The following RAB15 variants were observed in gnomAD, a reference collection of about 807,000 sequenced individuals.
RAB15 encodes the protein RAB15, member RAS oncogene family.
A neutral mutation model predicts 31.8 loss-of-function variants in RAB15; 13 were observed. The ratio of observed to expected loss-of-function variants is 0.41; its 90% CI spans 0.27 to 0.65. The LOEUF (loss-of-function observed/expected upper bound fraction) is 0.65, where lower values mean the gene tolerates loss of function less well. RAB15 is among the 30% of genes least tolerant of loss of function. The pLI, the probability that RAB15 is intolerant of heterozygous loss-of-function variation, is 0.32. For missense variants in RAB15, 220 were observed against 277.3 expected (o/e 0.79, Z 1.47); for synonymous variants, 100 against 105.6 (o/e 0.95, Z 0.33).
rs1218697249 is a variant in RAB15, at chr14:64,958,555, A to C, written c.125-5984T>G. On this transcript the variant is annotated intron_variant, in intron 1 of 6. Coordinates refer to ENST00000533601, the MANE Select transcript of RAB15 (RefSeq NM_001308154.2). The surrounding 1 kb of genome is among the most constrained non-coding windows in gnomAD (Gnocchi z 4.4). The stretch of plus-strand genomic sequence containing the variant: ...TTTGTTACAGCAGCCAGCCCTAACT[A>C]AGACACCCACCATAGCCTATTTTCT... 6.6e-6 allele frequency among the ~76,000 whole-genome samples: 1 copy of C among 152,178 alleles called. No individual in the cohort carries two copies. The highest frequency in any genetic ancestry group is 1.5e-5 in the Non-Finnish European group (1 of 68,030).
Position 64,948,282 on chromosome 14 carries a change from C to T in RAB15, c.*72G>A, listed in dbSNP as rs955356318. On this transcript the variant is annotated 3_prime_UTR_variant, in exon 7 of 7. Coordinates refer to ENST00000533601, the MANE Select transcript of RAB15 (RefSeq NM_001308154.2). The surrounding 1 kb of genome is among the most constrained non-coding windows in gnomAD (Gnocchi z 7.0). ...ACGAGAGGACAGCAGCAGGGCAAAGCCCCGGCTCCCCTGTCTGCCCACGGG... is the reference window on the plus strand; with the variant it reads ...ACGAGAGGACAGCAGCAGGGCAAAGTCCCGGCTCCCCTGTCTGCCCACGGG... 4 of 1,415,294 alleles carry T rather than the reference C, an allele frequency of 2.8e-6. No homozygotes were observed. The highest frequency in any genetic ancestry group is 2.9e-5 in the African/African-American group (2 of 69,176). The allele number at this position is 1,415,294 out of a possible 1,614,324, so 87.7% of individuals were successfully genotyped here.
rs74809581 is a variant in RAB15, at chr14:64,966,528, A to T, written c.124+5425T>A. The stretch of plus-strand genomic sequence containing the variant: ...ACAGAGAGATACTCGGTCTCAAAAA[A>T]AAATAAATAAATAAATAAATAAAAT... On this transcript the variant is annotated intron_variant, in intron 1 of 6. Transcript: ENST00000533601. Among the ~76,000 whole-genome samples the T allele has an allele frequency of 5.3e-3, 796 of 151,382 alleles. 7 individuals are homozygous for T. The highest frequency in any genetic ancestry group is 0.024 in the East Asian group (126 of 5,152).
intron 1 of RAB15, among the ~76,000 whole-genome samples, chr14:64,965,343 C>T (rs1177009639): frequency 6.6e-6 from 1 of 152,056 alleles, no homozygotes; most frequent in Non-Finnish European, 1.5e-5. Context: ...CTTGTAATCC[C>T]AGCTACTCAG....
At position 64,954,169 on chromosome 14, in the gene RAB15, A is replaced by G; in HGVS notation, c.125-1598T>C. The stretch of plus-strand genomic sequence containing the variant: ...CGCCTGCCCAAGCTGATTCATATCC[A>G]TTGAGCTGTACTTTTCCAAATGGGC... On this transcript the variant is annotated intron_variant, in intron 1 of 6. Coordinates refer to ENST00000533601, the MANE Select transcript of RAB15 (RefSeq NM_001308154.2). This position sits in a 1 kb window ranked among gnomAD's most constrained non-coding sequence, Gnocchi z 4.3. 3 of 985,418 alleles carry G rather than the reference A, an allele frequency of 3.0e-6. No individual in the cohort carries two copies. Among genetic ancestry groups the G allele is most frequent in the Non-Finnish European group, 3.6e-6 (3 of 829,936 alleles). 61.0% of individuals were successfully genotyped at this position (985,418 alleles called of 1,614,324 possible).
At chr14:64,949,771 C>A (rs1355297537) in intron 5 of RAB15, among the ~76,000 whole-genome samples, 1 of 150,942 alleles carries the variant, frequency 6.6e-6, no homozygotes, top group Non-Finnish European at 1.5e-5. Flanking sequence ...ACCAATATTT[C>A]TTTCTGCTCT....
At position 64,948,919 on chromosome 14, in the gene RAB15, C is replaced by T. The variant is rs1886074994; in HGVS notation, c.415-186G>A. On this transcript the variant is annotated intron_variant, in intron 5 of 6. Coordinates refer to ENST00000533601, the MANE Select transcript of RAB15 (RefSeq NM_001308154.2). The surrounding 1 kb of genome is among the most constrained non-coding windows in gnomAD (Gnocchi z 7.0). ...GTAGCAGAGAATGGGGGAAGATCCTCCACAAATATGCCTCTCCATTCTTCC... is the reference window on the plus strand; with the variant it reads ...GTAGCAGAGAATGGGGGAAGATCCTTCACAAATATGCCTCTCCATTCTTCC... Among the ~76,000 whole-genome samples the T allele has an allele frequency of 6.6e-6, 1 of 152,150 alleles. No homozygotes were observed. The highest frequency in any genetic ancestry group is 1.5e-5 in the Non-Finnish European group (1 of 68,020).
intron 1 of RAB15, among the ~76,000 whole-genome samples, chr14:64,967,587 A>C (rs201242893): frequency 0.098 from 6,954 of 71,148 alleles, 780 homozygotes; most frequent in East Asian, 0.57. Flanking sequence ...CCTAGTCTCA[A>C]AAAAAAAAAA....
At position 64,958,410 on chromosome 14, in the gene RAB15, T is replaced by C. The variant is rs1360517492; in HGVS notation, c.125-5839A>G. ...ATGGAGCTAGAAGGTGCCACCTTTG[T>C]CACAGAGCATCAGCCTTCACCAGAC... is the stretch of plus-strand genomic sequence containing the variant. On this transcript the variant is annotated intron_variant, in intron 1 of 6. Coordinates refer to ENST00000533601, the MANE Select transcript of RAB15 (RefSeq NM_001308154.2). This position sits in a 1 kb window ranked among gnomAD's most constrained non-coding sequence, Gnocchi z 4.4. Among the ~76,000 whole-genome samples the C allele has an allele frequency of 6.6e-6, 1 of 152,146 alleles. No homozygotes were observed. The highest frequency in any genetic ancestry group is 1.9e-4 in the East Asian group (1 of 5,188).
chr14:64,948,137 TGAA>T lies in RAB15; in HGVS notation c.*214_*216del. On this transcript the variant is annotated 3_prime_UTR_variant, in exon 7 of 7. Coordinates refer to ENST00000533601, the MANE Select transcript of RAB15 (RefSeq NM_001308154.2). The surrounding 1 kb of genome is among the most constrained non-coding windows in gnomAD (Gnocchi z 7.0). ...CAGGCCTGTGGCTGGGGAAACAGGC[TGAA>T]GAAGACCACTCCAGGGTGGACGGGC... 1 of 485,136 alleles carries T rather than the reference TGAA, an allele frequency of 2.1e-6. No homozygotes were observed. The allele number at this position is 485,136 out of a possible 1,614,324, so 30.1% of individuals were successfully genotyped here.
rs117418332 is a variant in RAB15 at position 64,949,005 on chromosome 14, T to C, written c.415-272A>G. The stretch of plus-strand genomic sequence containing the variant: ...TATCAGGAGATAAAGACACCATCCA[T>C]TGTGGCAGTATGGCATCCTCGTAAA... On this transcript the variant is annotated intron_variant, in intron 5 of 6. Transcript: ENST00000533601. 9.0e-4 allele frequency among the ~76,000 whole-genome samples: 137 copies of C among 152,332 alleles called. 3 individuals carry two copies. In the South Asian group the frequency reaches 0.021, roughly 23 times the overall value.
intron 1 of RAB15, among the ~76,000 whole-genome samples, chr14:64,959,944 G>T (rs2139988240): frequency 6.6e-6 from 1 of 151,268 alleles, no homozygotes; most frequent in East Asian, 2.0e-4. Context: ...AGGCTTAAGA[G>T]CAGGGAGACG....
chr14:64,963,164 G>A (rs1423814104), intron 1 of RAB15, among the ~76,000 whole-genome samples: 2 of 141,848 alleles, frequency 1.4e-5, no homozygotes, highest in Non-Finnish European at 3.0e-5. Flanking sequence ...TGTCACCCAG[G>A]CTGGAGTACA....
Position 64,952,717 on chromosome 14 carries a change from A to G in RAB15, c.125-146T>C. The G allele has an allele frequency of 1.8e-6, 1 of 570,064 alleles. No individual in the cohort carries two copies. Among genetic ancestry groups the G allele is most frequent in the Non-Finnish European group, 3.1e-6 (1 of 323,340 alleles). The allele number at this position is 570,064 out of a possible 1,614,324, so 35.3% of individuals were successfully genotyped here. On this transcript the variant is annotated intron_variant, in intron 1 of 6. Transcript: ENST00000533601. This position sits in a 1 kb window ranked among gnomAD's most constrained non-coding sequence, Gnocchi z 4.2. ...AATGTAAAGGCCTTCTTTAAGCAGA[A>G]ACTGACCTTAAGGAAGTATCTGAAG...
chr14:64,963,761 A>G (rs573510316), intron 1 of RAB15, among the ~76,000 whole-genome samples: 4 of 152,180 alleles, frequency 2.6e-5, no homozygotes, highest in African/African-American at 9.7e-5. Flanking sequence ...AGCAAGGCTG[A>G]AGAGTAGCAG....
chr14:64,957,991 T>TTCCTCTGTCGCCA (rs999368280), intron 1 of RAB15: 1 of 152,378 alleles, frequency 6.6e-6, no homozygotes, highest in African/African-American at 2.4e-5. Flanking sequence ...TCGCCCAGGC[T>TTCCTCTGTCGCCA]GGAGTGCAGT....
intron 1 of RAB15, among the ~76,000 whole-genome samples, chr14:64,956,206 C>G (rs1886552606): frequency 6.6e-6 from 1 of 152,066 alleles, no homozygotes; most frequent in Non-Finnish European, 1.5e-5. Flanking sequence ...AGTTTGAGAC[C>G]AGCCTGGCCA....
At position 64,951,234 on chromosome 14, in the gene RAB15, G is replaced by A; in HGVS notation, c.247-83C>T. 1.7e-6 allele frequency: 2 copies of A among 1,184,146 alleles called. No homozygotes were observed. The highest frequency in any genetic ancestry group is 2.7e-5 in the South Asian group (2 of 74,878). 73.4% of individuals were successfully genotyped at this position (1,184,146 alleles called of 1,614,324 possible). A position where few individuals can be genotyped will look rare whatever the true frequency, so the allele number is the denominator to read the frequency against. On this transcript the variant is annotated intron_variant, in intron 3 of 6. Coordinates refer to ENST00000533601, the MANE Select transcript of RAB15 (RefSeq NM_001308154.2). The surrounding 1 kb of genome is among the most constrained non-coding windows in gnomAD (Gnocchi z 7.2). ...CCAGAAGGGGCCGTGGAAACTTAAA[G>A]GTTGGGTCCCACTCTCCCATTCTCC...
At position 64,971,146 on chromosome 14, in the gene RAB15, C is replaced by T. The variant is rs1178288812; in HGVS notation, c.124+807G>A. Among the ~76,000 whole-genome samples the T allele has an allele frequency of 6.6e-6, 1 of 152,206 alleles. No individual in the cohort carries two copies. The highest frequency in any genetic ancestry group is 2.4e-5 in the African/African-American group (1 of 41,444). On this transcript the variant is annotated intron_variant, in intron 1 of 6. Coordinates refer to ENST00000533601, the MANE Select transcript of RAB15 (RefSeq NM_001308154.2). This position sits in a 1 kb window ranked among gnomAD's most constrained non-coding sequence, Gnocchi z 4.1. ...AGCCTAGAAGCGGGAGACTGACTGT[C>T]TCAGAGGGGAGGCCATGGACCCATT...
At chr14:64,956,813 C>G (rs1886600331) in intron 1 of RAB15, among the ~76,000 whole-genome samples, 6 of 152,190 alleles carry the variant, frequency 3.9e-5, no homozygotes, top group Admixed American at 3.9e-4. Flanking sequence ...GAAGTAGTTT[C>G]AAGAGCTATA....
Sources: allele counts gnomAD v4.1 joint callset (sites outside exome capture counted in the v4.1 genomes callset), GRCh38; gene constraint gnomAD v4.1.1; non-coding constraint Gnocchi (gnomAD v3.1); transcripts MANE v1.5; gene names NCBI Gene and HGNC (gene_info 2026-07-23, HGNC 2026-07-21).